PKP4: variants seen among roughly 807,000 people sequenced by gnomAD.
The protein encoded by PKP4 is plakophilin-4.
In PKP4, 90 loss-of-function variants were observed where a neutral mutation model predicts 145.1. The ratio of observed to expected loss-of-function variants is 0.62; its 90% CI spans 0.52 to 0.74. The LOEUF (loss-of-function observed/expected upper bound fraction) is 0.74, where lower values mean the gene tolerates loss of function less well. Among genes scored for constraint, PKP4 ranks in the 30% least tolerant of loss-of-function variants. The probability of loss-of-function intolerance (pLI) is 0.00; values close to 1 mark genes in which losing one functional copy is unlikely to be tolerated. For missense variants in PKP4, 1,340 were observed against 1,482.7 expected (o/e 0.90, Z 1.58); for synonymous variants, 563 against 577.2 (o/e 0.98, Z 0.35).
chr2:158,525,992 A>G (rs2042893608), intron 1 of PKP4, among the ~76,000 whole-genome samples: 1 of 151,316 alleles, frequency 6.6e-6, no homozygotes, highest in Non-Finnish European at 1.5e-5. Context: ...GCAATAATCA[A>G]TAGTTTACCA....
chr2:158,621,766 GA>G (rs1025559855), intron 6 of PKP4, among the ~76,000 whole-genome samples: 1 of 148,768 alleles, frequency 6.7e-6, no homozygotes, highest in African/African-American at 2.5e-5. Flanking sequence ...AAAAAAAAAG[GA>G]AAAAAAAAGA....
At chr2:158,631,561 T>A (rs75978925) in intron 7 of PKP4, among the ~76,000 whole-genome samples, 192 bp from the exon 8 acceptor site, 31 of 151,946 alleles carry the variant, frequency 2.0e-4, no homozygotes, top group African/African-American at 6.3e-4. Flanking sequence ...TTTTTTTTTT[T>A]AATTATTTTT....
intron 1 of PKP4, among the ~76,000 whole-genome samples, chr2:158,474,369 T>G (rs1314034148): frequency 6.6e-6 from 1 of 152,198 alleles, no homozygotes; most frequent in East Asian, 1.9e-4. Context: ...CCAAAGCTAT[T>G]AGAACCAAAA....
intron 1 of PKP4, among the ~76,000 whole-genome samples, chr2:158,471,969 T>C (rs1691638133): frequency 6.6e-6 from 1 of 152,202 alleles, no homozygotes; most frequent in Non-Finnish European, 1.5e-5. Context: ...CCTCAGCTCT[T>C]TTTCTGTACC....
chr2:158,591,250 T>A (rs1048017558), intron 3 of PKP4, among the ~76,000 whole-genome samples: 1 of 152,104 alleles, frequency 6.6e-6, no homozygotes, highest in Non-Finnish European at 1.5e-5. Context: ...TGTTTTTAAA[T>A]TGAAACAGGG....
chr2:158,604,982 A>T (rs1455178276), intron 4 of PKP4, among the ~76,000 whole-genome samples: 1 of 152,110 alleles, frequency 6.6e-6, no homozygotes, highest in Admixed American at 6.6e-5. Flanking sequence ...GTAATGAGAG[A>T]ATGATCTGAA....
chr2:158,547,652 T>G (rs1574416936), intron 2 of PKP4, among the ~76,000 whole-genome samples: 1 of 152,342 alleles, frequency 6.6e-6, no homozygotes, highest in Middle Eastern at 3.4e-3. Flanking sequence ...TGGGTGCATT[T>G]TATTGCATGT....
chr2:158,615,188 A>G lies in PKP4; in HGVS notation c.281-5802A>G, dbSNP rs530386902. Among the ~76,000 whole-genome samples the G allele has an allele frequency of 2.0e-4, 30 of 152,198 alleles. 1 individual carries two copies. The South Asian group carries it at 5.8e-3, about 29-fold the overall frequency. On this transcript the variant is annotated intron_variant, in intron 4 of 21. Transcript: ENST00000389759. ...CCCACTGACAGATATTCCCATTTCT[A>G]TATTTGGTAATTTTTTTTCCCAAAG...
intron 1 of PKP4, among the ~76,000 whole-genome samples, chr2:158,475,454 G>A (rs928976669): frequency 6.6e-6 from 1 of 152,062 alleles, no homozygotes; most frequent in Non-Finnish European, 1.5e-5. Flanking sequence ...CTTTCTTATT[G>A]TTCTCAGTAG....
intron 2 of PKP4, among the ~76,000 whole-genome samples, chr2:158,551,782 A>G (rs1440235031): frequency 6.6e-6 from 1 of 152,226 alleles, no homozygotes; most frequent in Non-Finnish European, 1.5e-5. Flanking sequence ...AAAAATCAAA[A>G]TAAGTATCTC....
chr2:158,656,538 T>C (rs1336493922), intron 11 of PKP4, among the ~76,000 whole-genome samples: 1 of 152,132 alleles, frequency 6.6e-6, no homozygotes, highest in African/African-American at 2.4e-5. Context: ...GCTGTAGTTA[T>C]GGTGGAATAG....
intron 4 of PKP4, among the ~76,000 whole-genome samples, chr2:158,612,907 G>A (rs2051268193): frequency 6.6e-6 from 1 of 152,110 alleles, no homozygotes; most frequent in South Asian, 2.1e-4. Flanking sequence ...ACTGTTTCCT[G>A]TCAGTTTGGC....
At chr2:158,594,077 T>C (rs1282740102) in intron 3 of PKP4, among the ~76,000 whole-genome samples, 1 of 152,154 alleles carries the variant, frequency 6.6e-6, no homozygotes, top group African/African-American at 2.4e-5. Flanking sequence ...CCTTGACCTT[T>C]TCTGCCTTCC....
intron 3 of PKP4, among the ~76,000 whole-genome samples, chr2:158,584,107 C>T (rs1198418164): frequency 6.6e-6 from 1 of 152,210 alleles, no homozygotes; most frequent in Non-Finnish European, 1.5e-5. Context: ...AAGTGGCCTG[C>T]TGGCGGGGAC....
At chr2:158,579,937 T>C (rs564486147) in intron 3 of PKP4, among the ~76,000 whole-genome samples, 1 of 152,194 alleles carries the variant, frequency 6.6e-6, no homozygotes, top group East Asian at 1.9e-4. Context: ...AGTGTGTGCA[T>C]GTGGAGTAAA....
intron 2 of PKP4, among the ~76,000 whole-genome samples, chr2:158,569,527 C>T (rs1178527532): frequency 6.6e-6 from 1 of 152,108 alleles, no homozygotes; most frequent in Non-Finnish European, 1.5e-5. Flanking sequence ...AGTGCCCTTC[C>T]CTATGTAAGT....
chr2:158,491,390 C>T (rs547025903), intron 1 of PKP4, among the ~76,000 whole-genome samples: 2 of 152,204 alleles, frequency 1.3e-5, no homozygotes, highest in African/African-American at 2.4e-5. Context: ...CAACACTTAG[C>T]GTGGTTCAGT....
At chr2:158,610,594 T>A (rs1003053808) in intron 4 of PKP4, among the ~76,000 whole-genome samples, 1 of 152,162 alleles carries the variant, frequency 6.6e-6, no homozygotes, top group Admixed American at 6.5e-5. Flanking sequence ...TCAGAAAGAA[T>A]CTATAGGTTG....
At position 158,673,572 on chromosome 2, in the gene PKP4, C is replaced by T. The variant is rs2057750441; in HGVS notation, c.2925-105C>T. The T allele has an allele frequency of 3.7e-6, 3 of 818,002 alleles. No individual in the cohort carries two copies. In the South Asian group the frequency reaches 4.3e-5, roughly 12 times the overall value. The allele number at this position is 818,002 out of a possible 1,614,324, so 50.7% of individuals were successfully genotyped here. A position where few individuals can be genotyped will look rare whatever the true frequency, so the allele number is the denominator to read the frequency against. On this transcript the variant is annotated intron_variant, in intron 17 of 21. Transcript: ENST00000389759. ...CTGCAGTAGCCTCCATCCCTGTGGC[C>T]CTGAGAGCGATGGCCTGTTGGCCAC...
Sources: allele counts gnomAD v4.1 joint callset (sites outside exome capture counted in the v4.1 genomes callset), GRCh38; gene constraint gnomAD v4.1.1; transcripts MANE v1.5; gene names NCBI Gene and HGNC (gene_info 2026-07-23, HGNC 2026-07-21).